The following TRRAP variants were observed in gnomAD, a reference collection of about 807,000 sequenced individuals.
The protein encoded by TRRAP is transformation/transcription domain associated protein.
A neutral mutation model predicts 438.8 loss-of-function variants in TRRAP; 41 were observed. The observed-to-expected ratio is 0.09, with a 90% CI of 0.07 to 0.12. The LOEUF is 0.12. Among genes scored for constraint, TRRAP ranks in the 10% least tolerant of loss-of-function variants. TRRAP has a pLI of 1.00. For missense variants in TRRAP, 3,122 were observed against 5,055.1 expected (o/e 0.62, Z 11.60); for synonymous variants, 1,994 against 1,962.9 (o/e 1.02, Z -0.42).
Position 98,964,704 on chromosome 7 carries a change from G to A in TRRAP, c.6905G>A (p.Arg2302His), listed in dbSNP as rs989808531. 3.1e-6 allele frequency: 5 copies of A among 1,613,628 alleles called. No individual in the cohort carries two copies. The highest frequency in any genetic ancestry group is 4.2e-6 in the Non-Finnish European group (5 of 1,179,866). Reference protein sequence around the residue: ...YIDRLISVFMRSLQKMVREHL... With the variant: ...YIDRLISVFMHSLQKMVREHL... ...GACAGGCTGATCTCCGTCTTTATGC[G>A]CTCCCTGCAGAAGATGGTCCGGGAG... The change falls in exon 48 of 73, where the codon CGC becomes CAC. Residue 2302 changes from arginine (R) to histidine (H), a missense_variant. Coordinates refer to ENST00000456197, the MANE Select transcript of TRRAP (RefSeq NM_001375524.1).
chr7:98,949,502 G>A lies in TRRAP; in HGVS notation c.4874G>A (p.Gly1625Glu). 6.2e-7 allele frequency: 1 copy of A among 1,610,758 alleles called. No individual in the cohort carries two copies. Among genetic ancestry groups the A allele is most frequent in the Non-Finnish European group, 8.5e-7 (1 of 1,178,702 alleles). ...AGGTTCATCACCCTGCTGCTGCCGG[G>A]GGGTGCCCAGACGGCTGTGCGCCCC... ...PNRFITLLLP[G>E]GAQTAVRPGS... Residue 1625 changes from glycine (G) to glutamate (E), a missense_variant, in exon 36 of 73, where the codon GGG (glycine) becomes GAG (glutamate). Physicochemically the swap from Gly to Glu is moderately conservative, Grantham distance 98. Coordinates refer to ENST00000456197, the MANE Select transcript of TRRAP (RefSeq NM_001375524.1).
chr7:98,926,886 G>A (rs1790072995), intron 22 of TRRAP, among the ~76,000 whole-genome samples: 2 of 152,012 alleles, frequency 1.3e-5, no homozygotes, highest in South Asian at 2.1e-4. Flanking sequence ...GGGCGTGGTG[G>A]TGGGCACCTG....
chr7:98,982,056 G>A, intron 59 of TRRAP, 96 bp downstream of exon 59: 1 of 1,237,972 alleles, frequency 8.1e-7, no homozygotes, highest in Non-Finnish European at 1.1e-6. Context: ...CCGGACAGCA[G>A]AGATGAAACT....
chr7:98,981,430 A>T (rs898539982), intron 58 of TRRAP, among the ~76,000 whole-genome samples: 2 of 152,144 alleles, frequency 1.3e-5, no homozygotes, highest in African/African-American at 4.8e-5. Context: ...ATGCCGGCTG[A>T]CTTGTTAGCA....
chr7:98,970,483 C>A (rs1229421048), intron 52 of TRRAP, among the ~76,000 whole-genome samples, 192 bp downstream of exon 52: 4 of 152,204 alleles, frequency 2.6e-5, no homozygotes, highest in Admixed American at 2.6e-4. Context: ...CGGGCAGAAT[C>A]CTTGGTCCTG....
chr7:98,964,549 T>C (rs1328456935), intron 47 of TRRAP, 80 bp from the exon 48 acceptor site: 15 of 1,526,724 alleles, frequency 9.8e-6, no homozygotes, highest in Non-Finnish European at 1.3e-5. Context: ...AATACATTGT[T>C]TTGAATAATG....
At chr7:98,996,382 T>C (rs909319372) in intron 67 of TRRAP, among the ~76,000 whole-genome samples, 1 of 152,232 alleles carries the variant, frequency 6.6e-6, no homozygotes, top group Admixed American at 6.5e-5. Context: ...TCTTGCCAGG[T>C]TCTCACTGAG....
At chr7:98,936,403 G>T (rs1790558944) in intron 28 of TRRAP, among the ~76,000 whole-genome samples, 1 of 152,182 alleles carries the variant, frequency 6.6e-6, no homozygotes, top group Non-Finnish European at 1.5e-5. Context: ...TTCTCTTGGG[G>T]TCCCTTCTTT....
chr7:98,899,541 T>C (rs1554406297), intron 9 of TRRAP, 42 bp downstream of exon 9: 3 of 1,610,742 alleles, frequency 1.9e-6, no homozygotes, highest in East Asian at 4.5e-5. Context: ...TTGGGCTTCT[T>C]ATAAGAAAAT....
At position 98,956,554 on chromosome 7, in the gene TRRAP, A is replaced by G. The variant is rs781825291; in HGVS notation, c.6231+21A>G. On this transcript the variant is annotated intron_variant, in intron 43 of 72. Coordinates refer to ENST00000456197, the MANE Select transcript of TRRAP (RefSeq NM_001375524.1). The surrounding 1 kb of genome is among the most constrained non-coding windows in gnomAD (Gnocchi z 4.5). The stretch of plus-strand genomic sequence containing the variant: ...GTGCAGTAAGATCATGTGCCTCTGT[A>G]TGGGTGCTGCGCATTCTGCTGGGAG... 1.9e-6 allele frequency: 3 copies of G among 1,607,892 alleles called. No homozygotes were observed. The highest frequency in any genetic ancestry group is 1.3e-5 in the African/African-American group (1 of 74,484).
Position 98,912,096 on chromosome 7 carries a change from T to G in TRRAP, c.2082T>G (p.Leu694=). ...CTACGATTCTGGTGGAATATCTCCT[T>G]GATCGCCTGCCAGAAATGGGCTCCA... The part of the protein sequence containing the change: ...LFATILVEYL[L]DRLPEMGSNV... The change falls in exon 18 of 73, where the codon CTT becomes CTG. Residue 694 remains leucine, a synonymous_variant. Transcript: ENST00000456197. 6.2e-7 allele frequency: 1 copy of G among 1,614,210 alleles called. No homozygotes were observed. Among genetic ancestry groups the G allele is most frequent in the Non-Finnish European group, 8.5e-7 (1 of 1,180,032 alleles).
In TRRAP at chr7:98,990,601, C is replaced by T. The variant is rs1387754653; in HGVS notation, c.9738C>T (p.Leu3246=). 1.9e-6 allele frequency: 3 copies of T among 1,613,796 alleles called. No individual in the cohort carries two copies. The highest frequency in any genetic ancestry group is 2.7e-5 in the African/African-American group (2 of 74,940). Residue 3246 remains leucine, a synonymous_variant, in exon 64 of 73, where the codon CTC becomes CTT. Coordinates refer to ENST00000456197, the MANE Select transcript of TRRAP (RefSeq NM_001375524.1). The part of the protein sequence containing the change: ...TCLVGSEGKL[L]LNLISQVGRV... ...TGGTTGGCTCGGAGGGAAAGCTGCT[C>T]TTGAACCTCATTAGCCAGGTGGGAA...
intron 53 of TRRAP, among the ~76,000 whole-genome samples, chr7:98,974,748 T>C (rs1792575687): frequency 6.6e-6 from 1 of 152,228 alleles, no homozygotes; most frequent in African/African-American, 2.4e-5. Flanking sequence ...AATAATACTT[T>C]ACTAGGTAGG....
At chr7:99,007,865 C>T (rs1304287174) in intron 69 of TRRAP, among the ~76,000 whole-genome samples, 4 of 145,804 alleles carry the variant, frequency 2.7e-5, no homozygotes, top group South Asian at 2.2e-4. Flanking sequence ...CTCGCTCTGT[C>T]GCCAGGCTGG....
chr7:98,961,111 G>C, intron 45 of TRRAP, 150 bp from the exon 46 acceptor site: 1 of 670,728 alleles, frequency 1.5e-6, no homozygotes, highest in Non-Finnish European at 2.6e-6. Flanking sequence ...AATCATTCTT[G>C]TGAAATACGA....
intron 67 of TRRAP, among the ~76,000 whole-genome samples, chr7:98,995,071 A>G (rs1311607391): frequency 6.6e-6 from 1 of 152,160 alleles, no homozygotes; most frequent in African/African-American, 2.4e-5. Flanking sequence ...AGGATCCAAG[A>G]CGGGGTAGAA....
At position 98,899,786 on chromosome 7, in the gene TRRAP, C is replaced by T. The variant is rs1227072516; in HGVS notation, c.800+19C>T. ...AAGCGAGGTGAGGCGTCACTGTAGC[C>T]GGCTGCCACAGTGCCTGGATTCCAA... On this transcript the variant is annotated intron_variant, in intron 10 of 72. Transcript: ENST00000456197. The T allele has an allele frequency of 5.6e-6, 9 of 1,611,452 alleles. No individual in the cohort carries two copies. Among genetic ancestry groups the T allele is most frequent in the Admixed American group, 1.7e-5 (1 of 59,950 alleles).
intron 39 of TRRAP, 83 bp from the exon 40 acceptor site, chr7:98,953,084 T>C: frequency 9.6e-7 from 1 of 1,046,046 alleles, no homozygotes; most frequent in East Asian, 2.5e-5. Flanking sequence ...TGTGTGTTTT[T>C]AAGGCTTAAA....
intron 62 of TRRAP, among the ~76,000 whole-genome samples, chr7:98,988,564 C>T (rs1304211666): frequency 6.6e-6 from 1 of 152,108 alleles, no homozygotes; most frequent in Non-Finnish European, 1.5e-5. Flanking sequence ...CCGGTCAATC[C>T]ACAGAGACAG....
Sources: gnomAD v4.1 joint callset for allele counts (sites outside exome capture counted in the v4.1 genomes callset) on GRCh38, gnomAD v4.1.1 for gene constraint, Gnocchi (gnomAD v3.1) non-coding constraint, MANE v1.5 for transcripts, NCBI Gene and HGNC (gene_info 2026-07-23, HGNC 2026-07-21) for gene names.